The following FBXO25 variants were observed in gnomAD, a reference collection of about 807,000 sequenced individuals.
FBXO25 encodes the protein F-box protein 25, also known as F-box only protein 25.
A neutral mutation model predicts 51.9 loss-of-function variants in FBXO25; 45 were observed. The observed-to-expected ratio is 0.87, with a 90% CI of 0.68 to 1.11. The LOEUF (loss-of-function observed/expected upper bound fraction) is 1.11, where lower values mean the gene tolerates loss of function less well. Ranked by LOEUF, FBXO25 falls within the 50% of genes most tolerant of loss-of-function variation. FBXO25 has a pLI of 0.00. For synonymous variants in FBXO25, 199 were observed against 151.0 expected, an observed-to-expected ratio of 1.32 and a Z score of -2.33; for missense variants, 507 against 428.5, an observed-to-expected ratio of 1.18 and a Z score of -1.62.
At chr8:414,099 T>G (rs1194091762) in intron 2 of FBXO25, among the ~76,000 whole-genome samples, 1 of 152,246 alleles carries the variant, frequency 6.6e-6, no homozygotes, top group Non-Finnish European at 1.5e-5. Flanking sequence ...GTTCAGTAAC[T>G]TTAGGCCAGA....
chr8:458,499 A>T lies in FBXO25; in HGVS notation c.791A>T (p.Glu264Val). 1 of 1,614,168 alleles carries T rather than the reference A, an allele frequency of 6.2e-7. No individual in the cohort carries two copies. Among genetic ancestry groups the T allele is most frequent in the East Asian group, 2.2e-5 (1 of 44,852 alleles). ...ACCCCCACGTTGTATATGCTTAGTGAAGACAGACAGCTGTGGAAGAAGCTT... is the reference window on the plus strand; with the variant it reads ...ACCCCCACGTTGTATATGCTTAGTGTAGACAGACAGCTGTGGAAGAAGCTT... Reference protein sequence around the residue: ...QVTPTLYMLSEDRQLWKKLCQ... With the variant: ...QVTPTLYMLSVDRQLWKKLCQ... The change falls in exon 8 of 10, where the codon GAA (glutamate) becomes GTA (valine). Residue 264 changes from glutamate to valine, a missense_variant. Physicochemically the swap from Glu to Val is moderately radical, Grantham distance 121. Coordinates refer to ENST00000350302, the MANE Select transcript of FBXO25 (RefSeq NM_183420.2).
At position 458,468 on chromosome 8, in the gene FBXO25, C is replaced by G; in HGVS notation, c.760C>G (p.Gln254Glu). 1.9e-6 allele frequency: 3 copies of G among 1,614,136 alleles called. No homozygotes were observed. The highest frequency in any genetic ancestry group is 1.3e-5 in the African/African-American group (1 of 75,040). ...CGGATGGGACATCATCACCTTAGGC[C>G]AGGTGACCCCCACGTTGTATATGCT... ...SDGWDIITLGQVTPTLYMLSE... is the reference protein window; with the variant it reads ...SDGWDIITLGEVTPTLYMLSE... Residue 254 changes from glutamine (Q) to glutamate (E), a missense_variant, in exon 8 of 10, where the codon CAG becomes GAG. By Grantham distance (29) the Gln-to-Glu change is conservative. Transcript: ENST00000350302.
chr8:467,938 A>T, intron 9 of FBXO25: 1 of 1,428,630 alleles, frequency 7.0e-7, no homozygotes. Context: ...AGTGTTGATG[A>T]AATATTTTGC....
intron 2 of FBXO25, among the ~76,000 whole-genome samples, chr8:414,213 A>G (rs539926532): frequency 1.4e-4 from 21 of 152,358 alleles, no homozygotes; most frequent in African/African-American, 4.1e-4. Flanking sequence ...GTTCTCTGCC[A>G]CGCTAAGATG....
At chr8:441,457 G>A (rs1361661648) in intron 5 of FBXO25, among the ~76,000 whole-genome samples, 13 of 152,198 alleles carry the variant, frequency 8.5e-5, no homozygotes, top group Admixed American at 4.6e-4. Flanking sequence ...ATAGGCATGG[G>A]CAAAGACTTG....
intron 5 of FBXO25, among the ~76,000 whole-genome samples, chr8:443,336 T>G (rs1241601193): frequency 6.6e-6 from 1 of 150,422 alleles, no homozygotes; most frequent in Non-Finnish European, 1.5e-5. Flanking sequence ...TCTTCATTTT[T>G]CTTTAATTCT....
chr8:463,567 G>A (rs1238728469), intron 9 of FBXO25, among the ~76,000 whole-genome samples: 2 of 152,316 alleles, frequency 1.3e-5, no homozygotes, highest in South Asian at 2.1e-4. Flanking sequence ...CACCGACTCT[G>A]CAGGGCCAGG....
At chr8:421,675 G>T (rs1243898884) in intron 2 of FBXO25, among the ~76,000 whole-genome samples, 1 of 152,176 alleles carries the variant, frequency 6.6e-6, no homozygotes. Flanking sequence ...TTCTAAGTCT[G>T]TTGACAGAGG....
intron 5 of FBXO25, among the ~76,000 whole-genome samples, chr8:441,884 A>G (rs1298346622): frequency 6.6e-6 from 1 of 152,222 alleles, no homozygotes; most frequent in South Asian, 2.1e-4. Context: ...GACGTGGAGA[A>G]ATAGGAATGC....
In FBXO25 at chr8:474,799, T is replaced by C. The variant is rs1359191676; in HGVS notation, c.*5995T>C. 2 of 432,186 alleles carry C rather than the reference T, an allele frequency of 4.6e-6. No homozygotes were observed. The highest frequency in any genetic ancestry group is 2.1e-5 in the African/African-American group (1 of 48,546). The allele number at this position is 432,186 out of a possible 1,614,324, so 26.8% of individuals were successfully genotyped here. ...TTTGTCCCATTCCGTGGATTGCCTT[T>C]CACTCTGTTTTGTTCTTTGATGTAC... On this transcript the variant is annotated 3_prime_UTR_variant, in exon 10 of 10. Coordinates refer to ENST00000350302, the MANE Select transcript of FBXO25 (RefSeq NM_183420.2).
intron 2 of FBXO25, among the ~76,000 whole-genome samples, chr8:430,678 A>G (rs1418365997): frequency 6.6e-6 from 1 of 152,176 alleles, no homozygotes; most frequent in South Asian, 2.1e-4. Flanking sequence ...AGTTTTGAGG[A>G]TGTGGATTAC....
intron 2 of FBXO25, among the ~76,000 whole-genome samples, chr8:416,981 G>A (rs1796843146): frequency 6.6e-6 from 1 of 152,194 alleles, no homozygotes; most frequent in Non-Finnish European, 1.5e-5. Context: ...ATCTGTGGAA[G>A]GAAACCTTAG....
chr8:471,506 A>G lies in FBXO25; in HGVS notation c.*2702A>G, dbSNP rs1306974109. On this transcript the variant is annotated 3_prime_UTR_variant, in exon 10 of 10. Transcript: ENST00000350302. ...TCTGATGCCTTCATTACAATGAAGTAGATAATTCAGGACCCCAGGAGCCTA... is the reference window on the plus strand; with the variant it reads ...TCTGATGCCTTCATTACAATGAAGTGGATAATTCAGGACCCCAGGAGCCTA... 1 of 152,224 alleles carries G rather than the reference A, an allele frequency of 6.6e-6. No homozygotes were observed. The highest frequency in any genetic ancestry group is 1.5e-5 in the Non-Finnish European group (1 of 68,044). 9.4% of individuals were successfully genotyped at this position (152,224 alleles called of 1,614,324 possible).
At chr8:446,337 A>G (rs1160055231) in intron 5 of FBXO25, among the ~76,000 whole-genome samples, 1 of 152,156 alleles carries the variant, frequency 6.6e-6, no homozygotes, top group Non-Finnish European at 1.5e-5. Flanking sequence ...TTTGAGGAAT[A>G]AAAGATATTT....
chr8:461,508 C>T (rs1166189094), intron 8 of FBXO25, among the ~76,000 whole-genome samples: 3 of 152,156 alleles, frequency 2.0e-5, no homozygotes, highest in South Asian at 4.1e-4. Flanking sequence ...ACAAAAACAG[C>T]ATGGGAAAGA....
At chr8:460,570 A>T (rs1298015694) in intron 8 of FBXO25, among the ~76,000 whole-genome samples, 1 of 152,246 alleles carries the variant, frequency 6.6e-6, no homozygotes, top group Non-Finnish European at 1.5e-5. Flanking sequence ...TATGGAAGGA[A>T]AAGTCAGCTA....
At position 458,513 on chromosome 8, in the gene FBXO25, T is replaced by G; in HGVS notation, c.805T>G (p.Trp269Gly). The change falls in exon 8 of 10, where the codon TGG becomes GGG. Residue 269 changes from tryptophan (W) to glycine (G), a missense_variant. Coordinates refer to ENST00000350302, the MANE Select transcript of FBXO25 (RefSeq NM_183420.2). ...TATGCTTAGTGAAGACAGACAGCTG[T>G]GGAAGAAGCTTTGTCAGTACCATTT... ...LYMLSEDRQL[W>G]KKLCQYHFAE... 2 of 1,614,118 alleles carry G rather than the reference T, an allele frequency of 1.2e-6. No homozygotes were observed. Among genetic ancestry groups the G allele is most frequent in the Non-Finnish European group, 1.7e-6 (2 of 1,179,994 alleles).
chr8:418,291 T>C (rs1436635390), intron 2 of FBXO25, among the ~76,000 whole-genome samples: 1 of 151,944 alleles, frequency 6.6e-6, no homozygotes, highest in Non-Finnish European at 1.5e-5. Flanking sequence ...TTATTTCTTT[T>C]CCTTTCCCTT....
intron 2 of FBXO25, among the ~76,000 whole-genome samples, chr8:421,218 A>G (rs954112961): frequency 6.1e-5 from 9 of 147,578 alleles, no homozygotes; most frequent in African/African-American, 2.2e-4. Context: ...TTTTGAGACT[A>G]ACTAACTAAT....
Sources: gnomAD v4.1 joint callset for allele counts (sites outside exome capture counted in the v4.1 genomes callset) on GRCh38, gnomAD v4.1.1 for gene constraint, MANE v1.5 for transcripts, NCBI Gene and HGNC (gene_info 2026-07-23, HGNC 2026-07-21) for gene names.